The following SLC44A5 variants were observed in gnomAD, a reference collection of about 807,000 sequenced individuals.
The protein encoded by SLC44A5 is choline transporter-like protein 5.
A neutral mutation model predicts 101.8 loss-of-function variants in SLC44A5; 57 were observed. The ratio of observed to expected loss-of-function variants is 0.56; its 90% CI spans 0.45 to 0.70. The LOEUF (loss-of-function observed/expected upper bound fraction) is 0.70, where lower values mean the gene tolerates loss of function less well. Ranked by LOEUF, SLC44A5 falls within the 30% of genes least tolerant of loss-of-function variation. The probability of loss-of-function intolerance (pLI) is 0.00; values close to 1 mark genes in which losing one functional copy is unlikely to be tolerated. For synonymous variants in SLC44A5, 281 were observed against 290.9 expected, an observed-to-expected ratio of 0.97 and a Z score of 0.35; for missense variants, 737 against 853.1, an observed-to-expected ratio of 0.86 and a Z score of 1.70.
the SLC44A5 span, among the ~76,000 whole-genome samples, chr1:75,650,777 A>T: frequency 6.6e-6 from 1 of 150,608 alleles, no homozygotes; most frequent in Non-Finnish European, 1.5e-5. Flanking sequence ...GTGCCACCAC[A>T]CCCAGCTAAT....
At chr1:75,368,747 T>C (rs1180806041) in intron 3 of SLC44A5, among the ~76,000 whole-genome samples, 1 of 152,122 alleles carries the variant, frequency 6.6e-6, no homozygotes, top group African/African-American at 2.4e-5. Context: ...AAATGTCTAT[T>C]ATTGTCAAGG....
chr1:75,712,623 A>G, the SLC44A5 span, among the ~76,000 whole-genome samples: 8 of 145,098 alleles, frequency 5.5e-5, no homozygotes, highest in Non-Finnish European at 1.0e-4. Context: ...TGTATGATAT[A>G]ACTTTTTATA....
At chr1:75,372,940 C>T (rs1254999339) in intron 3 of SLC44A5, among the ~76,000 whole-genome samples, 2 of 152,114 alleles carry the variant, frequency 1.3e-5, no homozygotes, top group Non-Finnish European at 2.9e-5. Flanking sequence ...TAGTTTAACA[C>T]TGCTATACAA....
chr1:75,387,055 C>G (rs1211544090), intron 3 of SLC44A5, among the ~76,000 whole-genome samples: 2 of 151,946 alleles, frequency 1.3e-5, no homozygotes, highest in African/African-American at 2.4e-5. Context: ...ATACAAAAAT[C>G]AATTCAAGAT....
chr1:75,285,995 A>G (rs1177524779), intron 5 of SLC44A5, among the ~76,000 whole-genome samples: 1 of 152,066 alleles, frequency 6.6e-6, no homozygotes, highest in Non-Finnish European at 1.5e-5. Context: ...CATTTGTTCT[A>G]GGATATAGTT....
At chr1:75,502,674 A>C (rs1405577749) in intron 2 of SLC44A5, among the ~76,000 whole-genome samples, 6 of 151,774 alleles carry the variant, frequency 4.0e-5, no homozygotes, top group Admixed American at 3.9e-4. Flanking sequence ...ATTTAGCATT[A>C]GGTATATCTC....
intron 2 of SLC44A5, among the ~76,000 whole-genome samples, chr1:75,445,879 G>A (rs970780583): frequency 1.3e-5 from 2 of 151,996 alleles, no homozygotes; most frequent in Non-Finnish European, 2.9e-5. Context: ...TTCAGTCTTC[G>A]ACAGTTCAGT....
At chr1:75,582,550 G>C in intron 1 of SLC44A5, 1 of 495,540 alleles carries the variant, frequency 2.0e-6, no homozygotes, top group Non-Finnish European at 3.6e-6. Context: ...CCACTACAAA[G>C]GGTTCAAAGT....
At chr1:75,559,080 TAA>T (rs1180270835) in intron 1 of SLC44A5, among the ~76,000 whole-genome samples, 1 of 152,044 alleles carries the variant, frequency 6.6e-6, no homozygotes, top group African/African-American at 2.4e-5. Context: ...TATATATTCT[TAA>T]AGTGTTAAGT....
intron 2 of SLC44A5, among the ~76,000 whole-genome samples, chr1:75,463,419 CAAAAAAAAAAAAA>C: frequency 1.4e-5 from 1 of 70,014 alleles, no homozygotes; most frequent in East Asian, 4.8e-4. Flanking sequence ...GACTCTGTCT[CAAAAAAAAAAAAA>C]AAAAAAAAAA....
intron 3 of SLC44A5, among the ~76,000 whole-genome samples, chr1:75,361,961 C>T (rs979892066): frequency 6.6e-6 from 1 of 151,842 alleles, no homozygotes; most frequent in Non-Finnish European, 1.5e-5. Context: ...TAGAGGAAGA[C>T]ATTTTGTTAC....
chr1:75,315,039 G>T (rs775414420), intron 4 of SLC44A5, among the ~76,000 whole-genome samples: 5 of 152,088 alleles, frequency 3.3e-5, no homozygotes, highest in Non-Finnish European at 5.9e-5. Context: ...CACCTGGCAA[G>T]TCTCTCAACT....
intron 1 of SLC44A5, among the ~76,000 whole-genome samples, chr1:75,542,311 T>C (rs947006371): frequency 1.3e-5 from 2 of 152,154 alleles, no homozygotes; most frequent in African/African-American, 2.4e-5. Flanking sequence ...TATGTATATT[T>C]TGACAAGGTT....
chr1:75,440,328 A>T (rs1457595551), intron 2 of SLC44A5, among the ~76,000 whole-genome samples: 1 of 152,128 alleles, frequency 6.6e-6, no homozygotes, highest in Non-Finnish European at 1.5e-5. Context: ...TTGGAAAGAA[A>T]GTTAAAAAGA....
At chr1:75,346,326 T>G (rs1658252334) in intron 3 of SLC44A5, among the ~76,000 whole-genome samples, 1 of 152,206 alleles carries the variant, frequency 6.6e-6, no homozygotes, top group Admixed American at 6.6e-5. Flanking sequence ...AGGATGTTTT[T>G]TAAGTAGTTT....
intron 3 of SLC44A5, among the ~76,000 whole-genome samples, chr1:75,341,797 T>A (rs1410711502): frequency 1.3e-5 from 2 of 152,152 alleles, no homozygotes; most frequent in African/African-American, 4.8e-5. Flanking sequence ...CATTCCTGGT[T>A]CTAGATTTCA....
chr1:75,307,060 T>C (rs1654969814), intron 4 of SLC44A5, among the ~76,000 whole-genome samples: 1 of 152,040 alleles, frequency 6.6e-6, no homozygotes, highest in African/African-American at 2.4e-5. Context: ...TTGTGGCAGA[T>C]GAAATTCCAA....
At chr1:75,440,978 T>C (rs991209519) in intron 2 of SLC44A5, among the ~76,000 whole-genome samples, 7 of 151,500 alleles carry the variant, frequency 4.6e-5, no homozygotes, top group African/African-American at 1.2e-4. Flanking sequence ...ATGACAATAA[T>C]GCATAATTTC....
chr1:75,655,050 C>A, the SLC44A5 span, among the ~76,000 whole-genome samples: 3 of 152,080 alleles, frequency 2.0e-5, no homozygotes, highest in Non-Finnish European at 4.4e-5. Flanking sequence ...AAAGATTAAT[C>A]CAGATTAAAA....
Sources: allele counts gnomAD v4.1 joint callset (sites outside exome capture counted in the v4.1 genomes callset), GRCh38; gene constraint gnomAD v4.1.1; transcripts MANE v1.5; gene names NCBI Gene and HGNC (gene_info 2026-07-23, HGNC 2026-07-21).